Variants in CD302 observed in about 807,000 individuals in gnomAD.
The protein encoded by CD302 is CD302 molecule.
In CD302, 23 loss-of-function variants were observed where a neutral mutation model predicts 26.5. The observed-to-expected ratio is 0.87, with a 90% CI of 0.62 to 1.23. The LOEUF (loss-of-function observed/expected upper bound fraction) is 1.23. CD302 is among the 50% of genes most tolerant of loss of function. The pLI is 0.00. For synonymous variants in CD302, 90 were observed against 99.4 expected, an observed-to-expected ratio of 0.91 and a Z score of 0.56; for missense variants, 290 against 275.5, an observed-to-expected ratio of 1.05 and a Z score of -0.37.
In CD302 at chr2:159,771,827, T is replaced by G; in HGVS notation, c.*24A>C. The stretch of plus-strand genomic sequence containing the variant: ...TCTCTGCCAGGGCATTTTGTTGATG[T>G]CTTAGTGCAAGATTACCAAAAACTT... On this transcript the variant is annotated 3_prime_UTR_variant, in exon 6 of 6. Transcript: ENST00000259053. 1 of 1,611,440 alleles carries G rather than the reference T, an allele frequency of 6.2e-7. No homozygotes were observed. Among genetic ancestry groups the G allele is most frequent in the Non-Finnish European group, 8.5e-7 (1 of 1,178,028 alleles).
intron 5 of CD302, among the ~76,000 whole-genome samples, chr2:159,773,759 T>C (rs576070682): frequency 1.8e-4 from 28 of 152,332 alleles, no homozygotes; most frequent in African/African-American, 6.3e-4. Flanking sequence ...GAGGTTAGGA[T>C]AGTTTTACAT....
chr2:159,768,700 C>T lies in CD302; in HGVS notation c.*3151G>A, dbSNP rs1349168375. The T allele has an allele frequency of 6.6e-6, 1 of 152,520 alleles. No homozygotes were observed. Among genetic ancestry groups the T allele is most frequent in the Non-Finnish European group, 1.5e-5 (1 of 68,002 alleles). 9.4% of individuals were successfully genotyped at this position (152,520 alleles called of 1,614,324 possible). A position where few individuals can be genotyped will look rare whatever the true frequency, so the allele number is the denominator to read the frequency against. On this transcript the variant is annotated 3_prime_UTR_variant, in exon 6 of 6. Coordinates refer to ENST00000259053, the MANE Select transcript of CD302 (RefSeq NM_014880.5). ...TAATATAAATGTTCTAAAACATTTG[C>T]TCACCTCTTGCCAGTTACCTTTGCA...
rs1413952348 is a variant in CD302, at chr2:159,784,726, A to G, written c.68-1257T>C. 2.6e-5 allele frequency among the ~76,000 whole-genome samples: 4 copies of G among 152,020 alleles called. No homozygotes were observed. The East Asian group carries it at 5.8e-4, about 22-fold the overall frequency. ...CTACCACAAAGATCAGAATTTACCAATCAGCTACATTAATCTAAATTAATT... is the reference window on the plus strand; with the variant it reads ...CTACCACAAAGATCAGAATTTACCAGTCAGCTACATTAATCTAAATTAATT... On this transcript the variant is annotated intron_variant, in intron 1 of 5. Coordinates refer to ENST00000259053, the MANE Select transcript of CD302 (RefSeq NM_014880.5).
At chr2:159,777,795 A>G in intron 5 of CD302, 143 bp downstream of exon 5, 3 of 400,536 alleles carry the variant, frequency 7.5e-6, no homozygotes, top group Middle Eastern at 6.5e-4. Flanking sequence ...CTTATTACTA[A>G]GAGACCTTTC....
At chr2:159,789,219 C>G (rs1227166409) in intron 1 of CD302, among the ~76,000 whole-genome samples, 1 of 151,626 alleles carries the variant, frequency 6.6e-6, no homozygotes, top group African/African-American at 2.4e-5. Flanking sequence ...CCAGGCTGGT[C>G]TTGAACTCTT....
chr2:159,772,474 G>GAA (rs1310203391), intron 5 of CD302, among the ~76,000 whole-genome samples: 1 of 152,032 alleles, frequency 6.6e-6, no homozygotes, highest in African/African-American at 2.4e-5. Context: ...TTGTTTAACT[G>GAA]AAAAAAACAC....
In CD302 at chr2:159,789,905, C is replaced by T. The variant is rs570750803; in HGVS notation, c.68-6436G>A. ...AAAGTAATACACAGACTGTTGGGCT[C>T]ACCTCAGCAAACTGCCTTAGCAGCT... On this transcript the variant is annotated intron_variant, in intron 1 of 5. Coordinates refer to ENST00000259053, the MANE Select transcript of CD302 (RefSeq NM_014880.5). Among the ~76,000 whole-genome samples, 18 of 152,330 alleles carry T rather than the reference C, an allele frequency of 1.2e-4. 2 individuals are homozygous for T. The South Asian group carries it at 3.5e-3, about 30-fold the overall frequency.
In CD302 at chr2:159,798,184, C is replaced by G; in HGVS notation, c.15G>C (p.Ala5=). ...GCAACGGCAGCAGGAGCGCGGGCAG[C>G]GCGGCCCGGAGCATGACGGCGGGTG... MLRA[A]LPALLLPLLG... The change falls in exon 1 of 6, where the codon GCG becomes GCC. Residue 5 remains alanine (A), a synonymous_variant. Coordinates refer to ENST00000259053, the MANE Select transcript of CD302 (RefSeq NM_014880.5). 6.8e-7 allele frequency: 1 copy of G among 1,476,354 alleles called. No homozygotes were observed. The allele number at this position is 1,476,354 out of a possible 1,614,324, so 91.5% of individuals were successfully genotyped here. A position where few individuals can be genotyped will look rare whatever the true frequency, so the allele number is the denominator to read the frequency against.
At chr2:159,794,024 G>A (rs892521674) in intron 1 of CD302, among the ~76,000 whole-genome samples, 3 of 151,406 alleles carry the variant, frequency 2.0e-5, no homozygotes, top group Non-Finnish European at 2.9e-5. Context: ...GCTTTGGAAG[G>A]CTGAGGTAGG....
intron 2 of CD302, among the ~76,000 whole-genome samples, chr2:159,781,777 A>G (rs1249201412): frequency 6.6e-6 from 1 of 152,212 alleles, no homozygotes; most frequent in East Asian, 1.9e-4. Flanking sequence ...CACAGAGCCA[A>G]TGTTCATGTA....
chr2:159,776,012 C>CTT (rs71406197), intron 5 of CD302, among the ~76,000 whole-genome samples: 13,192 of 81,424 alleles, frequency 0.16, 2,773 homozygotes, highest in African/African-American at 0.45. Context: ...CGGGTTTCAA[C>CTT]TTTTTTTTTT....
chr2:159,775,608 C>T (rs7564399), intron 5 of CD302, among the ~76,000 whole-genome samples: 76,175 of 152,104 alleles, frequency 0.5, 19,402 homozygotes, highest in Middle Eastern at 0.63. Context: ...AACATGCTTC[C>T]GCTGCTTGAT....
At chr2:159,776,030 T>TTTTTTTTTTTTTTTTA (rs55987429) in intron 5 of CD302, among the ~76,000 whole-genome samples, 16 of 146,222 alleles carry the variant, frequency 1.1e-4, no homozygotes, top group South Asian at 9.0e-4. Context: ...TTTTTTTTTT[T>TTTTTTTTTTTTTTTTA]AAAGTAGAGT....
chr2:159,777,705 A>AGAT (rs1708378133), intron 5 of CD302, among the ~76,000 whole-genome samples: 2 of 152,232 alleles, frequency 1.3e-5, no homozygotes, highest in Admixed American at 1.3e-4. Context: ...TGCACAACAC[A>AGAT]GATGAATCTA....
intron 5 of CD302, among the ~76,000 whole-genome samples, chr2:159,776,871 A>G (rs901119875): frequency 6.6e-6 from 1 of 152,118 alleles, no homozygotes; most frequent in African/African-American, 2.4e-5. Flanking sequence ...GTGCCCGGCT[A>G]AGTTTTGTAT....
chr2:159,786,448 C>T (rs1351966167), intron 1 of CD302, among the ~76,000 whole-genome samples: 1 of 151,776 alleles, frequency 6.6e-6, no homozygotes, highest in East Asian at 1.9e-4. Context: ...ATTCTCCTGC[C>T]TCAGCCTCCC....
chr2:159,795,184 CCG>C (rs1474919857), intron 1 of CD302, among the ~76,000 whole-genome samples: 1 of 151,174 alleles, frequency 6.6e-6, no homozygotes, highest in Non-Finnish European at 1.5e-5. Flanking sequence ...GATTGCGCCA[CCG>C]CACTCCAGCC....
intron 5 of CD302, among the ~76,000 whole-genome samples, chr2:159,772,341 G>A (rs772766880): frequency 6.6e-6 from 1 of 151,974 alleles, no homozygotes; most frequent in Non-Finnish European, 1.5e-5. Flanking sequence ...GTCTTCCTTC[G>A]CTTTACTTTC....
rs532346917 is a variant in CD302, at chr2:159,789,568, T to G, written c.68-6099A>C. On this transcript the variant is annotated intron_variant, in intron 1 of 5. Transcript: ENST00000259053. ...CACCCCCTTAGGCCTGTTTTTTTTTTTTGTTCTGTCTGGTAGTTTTCTATC... is the reference window on the plus strand; with the variant it reads ...CACCCCCTTAGGCCTGTTTTTTTTTGTTGTTCTGTCTGGTAGTTTTCTATC... 4.2e-3 allele frequency among the ~76,000 whole-genome samples: 644 copies of G among 152,146 alleles called. 5 individuals carry two copies. The highest frequency in any genetic ancestry group is 0.014 in the African/African-American group (595 of 41,502).
Sources: gnomAD v4.1 joint callset for allele counts (sites outside exome capture counted in the v4.1 genomes callset) on GRCh38, gnomAD v4.1.1 for gene constraint, MANE v1.5 for transcripts, NCBI Gene and HGNC (gene_info 2026-07-23, HGNC 2026-07-21) for gene names.